The following PCDHA3 variants were observed in gnomAD, a reference collection of about 807,000 sequenced individuals.
The protein encoded by PCDHA3 is protocadherin alpha-3.
PCDHA3 carries 41 observed loss-of-function variants against 62.2 expected under a neutral mutation model. The ratio of observed to expected loss-of-function variants is 0.66; its 90% CI spans 0.51 to 0.86. The LOEUF (loss-of-function observed/expected upper bound fraction) is 0.86, where lower values mean the gene tolerates loss of function less well. PCDHA3 is among the 40% of genes least tolerant of loss of function. The pLI, the probability that PCDHA3 is intolerant of heterozygous loss-of-function variation, is 0.00. For synonymous variants in PCDHA3, 640 were observed against 555.4 expected (o/e 1.15, Z -2.14); for missense variants, 1,304 against 1,241.2 (o/e 1.05, Z -0.76).
chr5:141,001,378 C>T (rs889628264), intron 3 of PCDHA3, among the ~76,000 whole-genome samples: 20 of 152,166 alleles, frequency 1.3e-4, no homozygotes, highest in African/African-American at 4.8e-4. Flanking sequence ...GATTACAGAG[C>T]CTAAGATCCT....
At chr5:140,827,775 G>T (rs1350103739) in intron 1 of PCDHA3, among the ~76,000 whole-genome samples, 1 of 152,106 alleles carries the variant, frequency 6.6e-6, no homozygotes, top group Non-Finnish European at 1.5e-5. Flanking sequence ...AAAGAAGTCG[G>T]GATAACACTG....
chr5:140,829,795 T>A, intron 1 of PCDHA3: 1 of 1,613,722 alleles, frequency 6.2e-7, no homozygotes, highest in Non-Finnish European at 8.5e-7. Context: ...TGCTGGCGCC[T>A]CGGGTGGGTG....
At chr5:140,968,162 C>A in intron 1 of PCDHA3, 1 of 1,614,122 alleles carries the variant, frequency 6.2e-7, no homozygotes, top group East Asian at 2.2e-5. Flanking sequence ...CAATGACAAT[C>A]CACCAAGCTT....
intron 1 of PCDHA3, among the ~76,000 whole-genome samples, chr5:140,905,476 C>A (rs904790256): frequency 6.6e-6 from 1 of 152,158 alleles, no homozygotes; most frequent in East Asian, 1.9e-4. Flanking sequence ...GTGATGCCTT[C>A]AGATTTCTTC....
At chr5:140,832,615 T>C (rs1377031016) in intron 1 of PCDHA3, among the ~76,000 whole-genome samples, 1 of 152,198 alleles carries the variant, frequency 6.6e-6, no homozygotes, top group Non-Finnish European at 1.5e-5. Flanking sequence ...AGTGAGTAAA[T>C]GTTTTTTAAA....
chr5:140,803,139 C>T lies in PCDHA3; in HGVS notation c.1942C>T (p.Leu648=). ...DEVDAPRHRL[L]VLVKDHGEPS... ...GGTGGACGCCCCGCGCCATCGCCTA[C>T]TGGTGCTGGTGAAGGACCACGGTGA... The change falls in exon 1 of 4, where the codon CTG becomes TTG. Residue 648 remains leucine, a synonymous_variant. Coordinates refer to ENST00000522353, the MANE Select transcript of PCDHA3 (RefSeq NM_018906.3). 6.2e-7 allele frequency: 1 copy of T among 1,613,886 alleles called. No individual in the cohort carries two copies.
intron 1 of PCDHA3, among the ~76,000 whole-genome samples, chr5:140,939,224 C>T (rs761211778): frequency 8.5e-5 from 13 of 152,130 alleles, no homozygotes; most frequent in Admixed American, 4.6e-4. Context: ...TGTCTCTTCA[C>T]CTTCTGGAAG....
At chr5:140,868,887 GGC>G in intron 1 of PCDHA3, 1 of 740,170 alleles carries the variant, frequency 1.4e-6, no homozygotes, top group Non-Finnish European at 2.1e-6. Context: ...CACAGTTTTA[GGC>G]GCAAGGTGTC....
At chr5:140,945,349 T>G (rs578151486) in intron 1 of PCDHA3, among the ~76,000 whole-genome samples, 43 of 152,144 alleles carry the variant, frequency 2.8e-4, no homozygotes, top group Non-Finnish European at 4.9e-4. Context: ...TTGGAAAAAT[T>G]AATACTGTTT....
At chr5:140,813,646 C>CTAA (rs1354512334) in intron 1 of PCDHA3, 2 of 152,114 alleles carry the variant, frequency 1.3e-5, no homozygotes, top group Admixed American at 1.3e-4. Flanking sequence ...TTACTGTGCA[C>CTAA]TAATGTAGAC....
chr5:140,845,658 T>C (rs1779972804), intron 1 of PCDHA3, among the ~76,000 whole-genome samples: 2 of 149,686 alleles, frequency 1.3e-5, no homozygotes, highest in South Asian at 4.2e-4. Context: ...CCAATTTTTG[T>C]ATGTGTAGCC....
At chr5:140,862,599 G>A (rs2047441695) in intron 1 of PCDHA3, 1 of 513,082 alleles carries the variant, frequency 1.9e-6, no homozygotes, top group East Asian at 5.2e-5. Context: ...AGTACATGGT[G>A]TTCGTGAAAG....
chr5:140,856,591 T>G (rs1554148896), intron 1 of PCDHA3: 1 of 1,597,268 alleles, frequency 6.3e-7, no homozygotes, highest in African/African-American at 1.3e-5. Flanking sequence ...TTCTTGATAT[T>G]ATAAACAAAA....
intron 1 of PCDHA3, among the ~76,000 whole-genome samples, chr5:140,899,326 T>G (rs1203153086): frequency 6.6e-6 from 1 of 152,230 alleles, no homozygotes; most frequent in Non-Finnish European, 1.5e-5. Flanking sequence ...TGGCTGTGGG[T>G]TTGTCATAGA....
At chr5:140,951,487 G>A (rs1563250651) in intron 1 of PCDHA3, among the ~76,000 whole-genome samples, 1 of 151,938 alleles carries the variant, frequency 6.6e-6, no homozygotes, top group Non-Finnish European at 1.5e-5. Flanking sequence ...CAAGAATCAT[G>A]GTGGAAGGCA....
At chr5:140,806,984 C>A in intron 1 of PCDHA3, 3 of 643,936 alleles carry the variant, frequency 4.7e-6, no homozygotes, top group Non-Finnish European at 7.9e-6. Flanking sequence ...CGGTTTGGAG[C>A]CACATGATGT....
chr5:140,870,356 G>C lies in PCDHA3; in HGVS notation c.2394+66765G>C, dbSNP rs17119218. On this transcript the variant is annotated intron_variant, in intron 1 of 3. Coordinates refer to ENST00000522353, the MANE Select transcript of PCDHA3 (RefSeq NM_018906.3). ...AGCGCCCTGGACCGCGAGAACGTGT[G>C]GGCCTATGAACTGGTGGTGACTGCG... 1,853 of 1,614,212 alleles carry C rather than the reference G, an allele frequency of 1.1e-3. 14 individuals are homozygous for C. In the African/African-American group the frequency reaches 0.018, roughly 16 times the overall value.
chr5:140,834,619 T>C, intron 1 of PCDHA3: 1 of 1,614,188 alleles, frequency 6.2e-7, no homozygotes, highest in Non-Finnish European at 8.5e-7. Flanking sequence ...GAGGTAAATC[T>C]GCAGAATGGC....
chr5:140,823,053 G>T lies in PCDHA3; in HGVS notation c.2394+19462G>T, dbSNP rs150289473. ...CGGTCTATGAGCTGGTGGTGACCGCGCGGGACGGGGGCTCGCCTTCGCTGT... is the reference window on the plus strand; with the variant it reads ...CGGTCTATGAGCTGGTGGTGACCGCTCGGGACGGGGGCTCGCCTTCGCTGT... On this transcript the variant is annotated intron_variant, in intron 1 of 3. Coordinates refer to ENST00000522353, the MANE Select transcript of PCDHA3 (RefSeq NM_018906.3). 1.4e-5 allele frequency: 23 copies of T among 1,614,068 alleles called. No individual in the cohort carries two copies. The African/African-American group carries it at 2.9e-4, about 21-fold the overall frequency.
Sources: allele counts gnomAD v4.1 joint callset (sites outside exome capture counted in the v4.1 genomes callset), GRCh38; gene constraint gnomAD v4.1.1; transcripts MANE v1.5; gene names NCBI Gene and HGNC (gene_info 2026-07-23, HGNC 2026-07-21).